NSUN6: variants seen among roughly 807,000 people sequenced by gnomAD.
NSUN6 encodes tRNA (cytosine(72)-C(5))-methyltransferase NSUN6.
A neutral mutation model predicts 58.0 loss-of-function variants in NSUN6; 64 were observed. That is an observed-to-expected ratio of 1.10 (90% CI 0.90 to 1.36). The LOEUF is 1.36. Among genes scored for constraint, NSUN6 ranks in the 40% most tolerant of loss-of-function variants. The pLI is 0.00. For missense variants in NSUN6, 701 were observed against 550.1 expected, an observed-to-expected ratio of 1.27 and a Z score of -2.74; for synonymous variants, 231 against 193.9, an observed-to-expected ratio of 1.19 and a Z score of -1.59.
At chr10:18,571,937 CTCCAT>C (rs749878620) in intron 8 of NSUN6, among the ~76,000 whole-genome samples, 6 of 151,050 alleles carry the variant, frequency 4.0e-5, no homozygotes, top group African/African-American at 1.2e-4. Context: ...CCATTCCATT[CTCCAT>C]TCCATTCCAT....
At chr10:18,625,764 G>C (rs1043106824) in intron 3 of NSUN6, among the ~76,000 whole-genome samples, 4 of 139,698 alleles carry the variant, frequency 2.9e-5, no homozygotes, top group African/African-American at 1.0e-4. Flanking sequence ...AGAACTAAGA[G>C]GAAATAATCA....
chr10:18,624,392 T>G (rs1449148823), intron 3 of NSUN6, among the ~76,000 whole-genome samples: 1 of 151,706 alleles, frequency 6.6e-6, no homozygotes, highest in Non-Finnish European at 1.5e-5. Context: ...TAACAACAAA[T>G]GGGCTGGGTG....
chr10:18,574,874 G>A (rs780503424), intron 8 of NSUN6, among the ~76,000 whole-genome samples: 9 of 152,028 alleles, frequency 5.9e-5, no homozygotes, highest in South Asian at 2.1e-4. Flanking sequence ...CCATGTTTCC[G>A]GACACCAGAA....
chr10:18,546,041 A>G lies in NSUN6; in HGVS notation c.1302T>C (p.Thr434=), dbSNP rs145738989. The G allele has an allele frequency of 8.7e-6, 14 of 1,600,656 alleles. No individual in the cohort carries two copies. Among genetic ancestry groups the G allele is most frequent in the African/African-American group, 1.3e-5 (1 of 74,116 alleles). ...FDPSAVPLPD[T]DMDSLREARR... is the part of the protein sequence containing the mutation. ...TGGCCTCTCTAAGAGAGTCCATGTCAGTGTCCGGTAATGGCACAGCCGATG... is the reference window on the plus strand; with the variant it reads ...TGGCCTCTCTAAGAGAGTCCATGTCGGTGTCCGGTAATGGCACAGCCGATG... Residue 434 remains threonine, a synonymous_variant, in exon 11 of 11, where the codon ACT becomes ACC. Coordinates refer to ENST00000377304, the MANE Select transcript of NSUN6 (RefSeq NM_182543.5).
At chr10:18,551,569 T>C in intron 9 of NSUN6, 1 of 345,580 alleles carries the variant, frequency 2.9e-6, no homozygotes. Flanking sequence ...GTCTGGTTCA[T>C]ATTACTGAGC....
At chr10:18,599,060 T>TA (rs913245586) in intron 6 of NSUN6, among the ~76,000 whole-genome samples, 2 of 152,112 alleles carry the variant, frequency 1.3e-5, no homozygotes, top group South Asian at 2.1e-4. Context: ...TTTTTGGAGA[T>TA]AGAGTCTTGC....
At chr10:18,639,344 TG>T (rs1197248128) in intron 3 of NSUN6, among the ~76,000 whole-genome samples, 2 of 151,702 alleles carry the variant, frequency 1.3e-5, no homozygotes, top group African/African-American at 4.8e-5. Flanking sequence ...AATACAAAAA[TG>T]AAGCCAGGTG....
At chr10:18,565,058 C>T (rs1039408830) in intron 8 of NSUN6, among the ~76,000 whole-genome samples, 1 of 149,212 alleles carries the variant, frequency 6.7e-6, no homozygotes, top group African/African-American at 2.4e-5. Flanking sequence ...GCTTTCCATG[C>T]TCCATTCCAT....
intron 3 of NSUN6, among the ~76,000 whole-genome samples, chr10:18,641,503 C>T (rs996500784): frequency 2.6e-5 from 4 of 151,608 alleles, no homozygotes; most frequent in East Asian, 1.9e-4. Flanking sequence ...ATAGCCGTGA[C>T]GACAGGTAAG....
At position 18,546,184 on chromosome 10, in the gene NSUN6, G is replaced by A. The variant is rs575524897; in HGVS notation, c.1198-39C>T. On this transcript the variant is annotated intron_variant, in intron 10 of 10. Coordinates refer to ENST00000377304, the MANE Select transcript of NSUN6 (RefSeq NM_182543.5). ...GTGGATCAATATGGATGAACATCCT[G>A]TAATTAGCAAGTATGACTGCTACAA... The A allele has an allele frequency of 2.8e-5, 37 of 1,339,570 alleles. No homozygotes were observed. In the South Asian group the frequency reaches 4.1e-4, roughly 15 times the overall value. The allele number at this position is 1,339,570 out of a possible 1,614,324, so 83.0% of individuals were successfully genotyped here. A position where few individuals can be genotyped will look rare whatever the true frequency, so the allele number is the denominator to read the frequency against.
intron 3 of NSUN6, among the ~76,000 whole-genome samples, chr10:18,634,685 C>A (rs1480870012): frequency 1.3e-5 from 2 of 152,000 alleles, no homozygotes; most frequent in Admixed American, 6.6e-5. Flanking sequence ...TGGCCTGAAC[C>A]CAGGAGGCGG....
At chr10:18,550,724 A>G (rs2054544877) in intron 9 of NSUN6, among the ~76,000 whole-genome samples, 2 of 110,730 alleles carry the variant, frequency 1.8e-5, no homozygotes, top group African/African-American at 3.4e-5. Context: ...CCCCCAAAAA[A>G]TCTCTTTTTT....
chr10:18,593,886 A>AG (rs2057475384), intron 7 of NSUN6, among the ~76,000 whole-genome samples: 1 of 151,996 alleles, frequency 6.6e-6, no homozygotes, highest in East Asian at 1.9e-4. Flanking sequence ...AAAAAAAAAA[A>AG]AAAAGGGCCA....
intron 3 of NSUN6, among the ~76,000 whole-genome samples, chr10:18,630,624 C>T (rs1183112964): frequency 5.9e-5 from 9 of 152,182 alleles, no homozygotes; most frequent in Non-Finnish European, 2.9e-5. Context: ...ATACTACAAA[C>T]ACCTCTAAGC....
intron 5 of NSUN6, among the ~76,000 whole-genome samples, chr10:18,611,418 T>C (rs927072255): frequency 6.8e-6 from 1 of 147,316 alleles, no homozygotes; most frequent in Non-Finnish European, 1.5e-5. Flanking sequence ...CTCTATCTAA[T>C]GTTGGCAGGA....
intron 8 of NSUN6, among the ~76,000 whole-genome samples, chr10:18,565,481 TTCCATTCCATTC>T (rs1375040107): frequency 3.3e-5 from 5 of 151,128 alleles, no homozygotes; most frequent in South Asian, 2.1e-4. Flanking sequence ...CTCCATTCTA[TTCCATTCCATTC>T]TCCATTCCAT....
At chr10:18,603,467 T>C (rs2057925707) in intron 6 of NSUN6, among the ~76,000 whole-genome samples, 2 of 149,924 alleles carry the variant, frequency 1.3e-5, no homozygotes, top group South Asian at 4.2e-4. Context: ...CTTTTTCTTT[T>C]CTTTTCTTTT....
At chr10:18,564,305 T>C (rs973970177) in intron 8 of NSUN6, among the ~76,000 whole-genome samples, 1 of 151,612 alleles carries the variant, frequency 6.6e-6, no homozygotes, top group African/African-American at 2.4e-5. Context: ...CTCCATTCCA[T>C]TCCACTCCTT....
chr10:18,547,101 A>G (rs1360555385), intron 10 of NSUN6, among the ~76,000 whole-genome samples: 2 of 152,154 alleles, frequency 1.3e-5, no homozygotes, highest in Non-Finnish European at 2.9e-5. Flanking sequence ...AAACAAACAT[A>G]AGAAAGGAAA....
Sources: allele counts gnomAD v4.1 joint callset (sites outside exome capture counted in the v4.1 genomes callset), GRCh38; gene constraint gnomAD v4.1.1; transcripts MANE v1.5; gene names NCBI Gene and HGNC (gene_info 2026-07-23, HGNC 2026-07-21).